PKP4: variants seen among roughly 807,000 people sequenced by gnomAD.
PKP4 encodes plakophilin 4, also known as plakophilin-4.
A neutral mutation model predicts 145.1 loss-of-function variants in PKP4; 90 were observed. The ratio of observed to expected loss-of-function variants is 0.62; its 90% CI spans 0.52 to 0.74. PKP4 has a LOEUF of 0.74. PKP4 is among the 30% of genes least tolerant of loss of function. PKP4 has a pLI of 0.00. For missense variants in PKP4, 1,340 were observed against 1,482.7 expected, an observed-to-expected ratio of 0.90 and a Z score of 1.58; for synonymous variants, 563 against 577.2, an observed-to-expected ratio of 0.98 and a Z score of 0.35.
At chr2:158,656,393 A>G (rs2055925122) in intron 11 of PKP4, among the ~76,000 whole-genome samples, 1 of 152,202 alleles carries the variant, frequency 6.6e-6, no homozygotes, top group Non-Finnish European at 1.5e-5. Flanking sequence ...GTGTACCCCA[A>G]GATAATTATA....
intron 2 of PKP4, among the ~76,000 whole-genome samples, chr2:158,545,073 C>CTTTTTTTTTTT (rs386391605): frequency 5.5e-5 from 4 of 72,510 alleles, no homozygotes; most frequent in African/African-American, 1.7e-4. Flanking sequence ...AAGTCTTTCA[C>CTTTTTTTTTTT]TTTTTTTTTT....
chr2:158,558,308 G>C (rs1425000713), intron 2 of PKP4, among the ~76,000 whole-genome samples: 2 of 152,134 alleles, frequency 1.3e-5, no homozygotes, highest in Non-Finnish European at 2.9e-5. Flanking sequence ...GACTCACCCA[G>C]GGAAAATGTC....
At chr2:158,634,038 T>C (rs751677800) in intron 8 of PKP4, 32 bp from the exon 9 acceptor site, 3 of 1,195,748 alleles carry the variant, frequency 2.5e-6, no homozygotes, top group South Asian at 2.4e-5. Context: ...ATGGAGAACA[T>C]ACTAATCTTT....
chr2:158,650,695 C>T (rs567233748), intron 11 of PKP4, among the ~76,000 whole-genome samples: 7 of 152,316 alleles, frequency 4.6e-5, no homozygotes, highest in African/African-American at 1.7e-4. Context: ...ACCTGAGCAC[C>T]CACTTCCCAC....
chr2:158,510,106 G>A (rs4664968), intron 1 of PKP4, among the ~76,000 whole-genome samples: 132,980 of 152,252 alleles, frequency 0.87, 58,373 homozygotes, highest in Middle Eastern at 0.93. Context: ...AGTTACCCAA[G>A]TAGGAAGATT....
intron 2 of PKP4, among the ~76,000 whole-genome samples, chr2:158,561,349 G>A (rs1463752266): frequency 1.3e-5 from 2 of 152,168 alleles, no homozygotes; most frequent in Non-Finnish European, 2.9e-5. Flanking sequence ...AAGAAGTTTT[G>A]TATGGGGCCC....
chr2:158,474,786 C>G (rs1282346297), intron 1 of PKP4, among the ~76,000 whole-genome samples: 1 of 152,118 alleles, frequency 6.6e-6, no homozygotes, highest in East Asian at 1.9e-4. Flanking sequence ...AGTGGGAGGC[C>G]TTCTCAGGAC....
chr2:158,666,645 A>G, intron 16 of PKP4, 82 bp downstream of exon 16: 1 of 1,187,032 alleles, frequency 8.4e-7, no homozygotes, highest in South Asian at 1.8e-5. Flanking sequence ...TAATAAATAT[A>G]TGGCTTGTAA....
intron 9 of PKP4, among the ~76,000 whole-genome samples, chr2:158,635,693 A>C (rs2053749937): frequency 6.6e-6 from 1 of 152,160 alleles, no homozygotes; most frequent in African/African-American, 2.4e-5. Context: ...TACCTCAGCT[A>C]TTCATAGTGT....
chr2:158,550,922 T>C (rs1277676710), intron 2 of PKP4, among the ~76,000 whole-genome samples: 4 of 152,226 alleles, frequency 2.6e-5, no homozygotes, highest in Non-Finnish European at 4.4e-5. Context: ...CTTTTAAAGA[T>C]ACACATAACA....
At chr2:158,528,945 T>A (rs1559278005) in intron 1 of PKP4, among the ~76,000 whole-genome samples, 2 of 152,206 alleles carry the variant, frequency 1.3e-5, no homozygotes, top group Admixed American at 1.3e-4. Context: ...TGAGGAACAT[T>A]CACATCTGTT....
At chr2:158,550,144 A>ATTCT (rs2045479432) in intron 2 of PKP4, among the ~76,000 whole-genome samples, 45 of 103,642 alleles carry the variant, frequency 4.3e-4, no homozygotes, top group Non-Finnish European at 8.2e-4. Context: ...GCCAAGAAGA[A>ATTCT]GTTAAACAAT....
chr2:158,515,573 A>G (rs1010324732), intron 1 of PKP4, among the ~76,000 whole-genome samples: 2 of 152,196 alleles, frequency 1.3e-5, no homozygotes, highest in Non-Finnish European at 2.9e-5. Flanking sequence ...ACCATTTCTT[A>G]AAAGTATTAA....
chr2:158,562,687 A>T (rs1372507575), intron 2 of PKP4, among the ~76,000 whole-genome samples: 1 of 152,226 alleles, frequency 6.6e-6, no homozygotes, highest in African/African-American at 2.4e-5. Flanking sequence ...TTAAAATATC[A>T]TGTCTACTTT....
At chr2:158,521,255 C>T (rs1364770833) in intron 1 of PKP4, among the ~76,000 whole-genome samples, 1 of 152,126 alleles carries the variant, frequency 6.6e-6, no homozygotes, top group African/African-American at 2.4e-5. Flanking sequence ...ACTGTTTTGC[C>T]ATTCTGGTGC....
chr2:158,505,292 G>C (rs868358666), intron 1 of PKP4, among the ~76,000 whole-genome samples: 3 of 152,148 alleles, frequency 2.0e-5, no homozygotes, highest in Admixed American at 6.5e-5. Context: ...ACTGAGCTCA[G>C]GGACCCAGAA....
intron 2 of PKP4, among the ~76,000 whole-genome samples, chr2:158,540,962 A>G (rs181254563): frequency 2.0e-5 from 3 of 152,228 alleles, no homozygotes; most frequent in Admixed American, 2.0e-4. Flanking sequence ...TAAATTATGA[A>G]TATATGGAAT....
At chr2:158,569,002 A>G (rs565344745) in intron 2 of PKP4, among the ~76,000 whole-genome samples, 1 of 152,132 alleles carries the variant, frequency 6.6e-6, no homozygotes, top group Non-Finnish European at 1.5e-5. Context: ...TGGGTGGGGT[A>G]TGTAGGAAAA....
intron 1 of PKP4, among the ~76,000 whole-genome samples, chr2:158,490,746 C>T (rs552641874): frequency 7.6e-4 from 115 of 152,282 alleles, no homozygotes; most frequent in African/African-American, 2.7e-3. Context: ...ATCTGACCAC[C>T]TCCTGTTTAT....
Sources: allele counts gnomAD v4.1 joint callset (sites outside exome capture counted in the v4.1 genomes callset), GRCh38; gene constraint gnomAD v4.1.1; transcripts MANE v1.5; gene names NCBI Gene and HGNC (gene_info 2026-07-23, HGNC 2026-07-21).